The following FGD4 variants were observed in gnomAD, a reference collection of about 807,000 sequenced individuals.
FGD4 encodes FYVE, RhoGEF and PH domain containing 4, also known as FYVE, RhoGEF and PH domain-containing protein 4.
A neutral mutation model predicts 102.0 loss-of-function variants in FGD4; 42 were observed. The ratio of observed to expected loss-of-function variants is 0.41; its 90% CI spans 0.32 to 0.53. The LOEUF (loss-of-function observed/expected upper bound fraction) is 0.53, where lower values mean the gene tolerates loss of function less well. FGD4 is among the 20% of genes least tolerant of loss of function. The probability of loss-of-function intolerance (pLI) is 0.21; values close to 1 mark genes in which losing one functional copy is unlikely to be tolerated. For missense variants in FGD4, 902 were observed against 1,078.2 expected (o/e 0.84, Z 2.29); for synonymous variants, 380 against 375.7 (o/e 1.01, Z -0.13).
At chr12:32,562,210 CCTTTCTGTGGCCCTGCAAGGAGAGGAGG>C (rs1944659370) in intron 1 of FGD4, among the ~76,000 whole-genome samples, 1 of 152,174 alleles carries the variant, frequency 6.6e-6, no homozygotes, top group Non-Finnish European at 1.5e-5. Context: ...TGCGTTCTGC[CCTTTCTGTGGCCCTGCAAGGAGAGGAGG>C]CCTGTGTATA....
rs111677682 is a variant in FGD4 at position 32,629,493 on chromosome 12, G to A, written c.2172+3714G>A. Among the ~76,000 whole-genome samples the A allele has an allele frequency of 2.4e-3, 372 of 152,252 alleles. 4 individuals are homozygous for A. Among genetic ancestry groups the A allele is most frequent in the African/African-American group, 8.1e-3 (338 of 41,550 alleles). On this transcript the variant is annotated intron_variant, in intron 14 of 16. Transcript: ENST00000534526. ...TCTATTTTCTCCATTATATAATTCA[G>A]AAATGGACTCATAGAAAAGTTATGA... is the stretch of plus-strand genomic sequence containing the variant.
At chr12:32,423,553 C>T (rs1196137587) in intron 1 of FGD4, among the ~76,000 whole-genome samples, 1 of 143,236 alleles carries the variant, frequency 7.0e-6, no homozygotes, top group Non-Finnish European at 1.5e-5. Flanking sequence ...GATCACGCCA[C>T]TGCATTCCAG....
At chr12:32,599,018 A>G (rs1426408312) in intron 5 of FGD4, among the ~76,000 whole-genome samples, 1 of 152,180 alleles carries the variant, frequency 6.6e-6, no homozygotes, top group Non-Finnish European at 1.5e-5. Flanking sequence ...TAGGGCCAGA[A>G]GGGATTTTGA....
At position 32,644,525 on chromosome 12, in the gene FGD4, G is replaced by A. The variant is rs1357846771; in HGVS notation, c.*3992G>A. 6.6e-6 allele frequency: 1 copy of A among 152,102 alleles called. No homozygotes were observed. The highest frequency in any genetic ancestry group is 6.6e-5 in the Admixed American group (1 of 15,260). The allele number at this position is 152,102 out of a possible 1,614,324, so 9.4% of individuals were successfully genotyped here. A position where few individuals can be genotyped will look rare whatever the true frequency, so the allele number is the denominator to read the frequency against. On this transcript the variant is annotated 3_prime_UTR_variant, in exon 17 of 17. Transcript: ENST00000534526. ...ATAAATTATTTACATGGATCTTTATGTATAATTCATCCTTATATATACCCC... is the reference window on the plus strand; with the variant it reads ...ATAAATTATTTACATGGATCTTTATATATAATTCATCCTTATATATACCCC...
chr12:32,435,101 G>A (rs541420723), intron 1 of FGD4, among the ~76,000 whole-genome samples: 18 of 152,106 alleles, frequency 1.2e-4, no homozygotes, highest in African/African-American at 3.9e-4. Context: ...GCGCCACCAC[G>A]CCTGGCTAAT....
intron 5 of FGD4, among the ~76,000 whole-genome samples, chr12:32,599,691 G>T (rs1227677251): frequency 6.7e-6 from 1 of 149,848 alleles, no homozygotes; most frequent in Non-Finnish European, 1.5e-5. Flanking sequence ...GGAATTACAG[G>T]CATGCACCAC....
chr12:32,444,086 G>A (rs1305979190), intron 1 of FGD4, among the ~76,000 whole-genome samples: 3 of 145,664 alleles, frequency 2.1e-5, no homozygotes, highest in Non-Finnish European at 3.0e-5. Context: ...GTACAGTGGT[G>A]CCATCATGGC....
In FGD4 at chr12:32,540,310, A is replaced by G. The variant is rs546087961; in HGVS notation, c.167-23827A>G. 3.9e-5 allele frequency among the ~76,000 whole-genome samples: 6 copies of G among 152,336 alleles called. No individual in the cohort carries two copies. The South Asian group carries it at 1.2e-3, about 32-fold the overall frequency. The stretch of plus-strand genomic sequence containing the variant: ...AAAAGGAGGAACAACTGTTTCATTG[A>G]TTCAAGGAAATTTCCTCAAAAAAGG... On this transcript the variant is annotated intron_variant, in intron 1 of 16. Coordinates refer to ENST00000534526, the MANE Select transcript of FGD4 (RefSeq NM_001370298.3).
chr12:32,473,640 A>C (rs1312691773), intron 1 of FGD4, among the ~76,000 whole-genome samples: 2 of 152,144 alleles, frequency 1.3e-5, no homozygotes, highest in Non-Finnish European at 2.9e-5. Context: ...GAACCCACCA[A>C]TTCCGGACAC....
intron 1 of FGD4, among the ~76,000 whole-genome samples, chr12:32,407,121 ATTTTT>A (rs35497027): frequency 1.1e-5 from 1 of 90,926 alleles, no homozygotes; most frequent in Non-Finnish European, 2.1e-5. Context: ...AAGAAGCTGT[ATTTTT>A]TTTTTTTTTT....
At chr12:32,486,227 G>A in intron 1 of FGD4, 1 of 1,235,578 alleles carries the variant, frequency 8.1e-7, no homozygotes, top group Non-Finnish European at 1.1e-6. Flanking sequence ...GTATACAATA[G>A]ATGAGGTCAC....
At chr12:32,524,395 C>CAAAAA (rs959203100) in intron 1 of FGD4, among the ~76,000 whole-genome samples, 60 of 69,288 alleles carry the variant, frequency 8.7e-4, no homozygotes, top group African/African-American at 3.1e-3. Context: ...GACTCTGTCT[C>CAAAAA]AAAAAAAAAA....
At chr12:32,593,349 T>C (rs187296425) in intron 4 of FGD4, among the ~76,000 whole-genome samples, 2 of 152,334 alleles carry the variant, frequency 1.3e-5, no homozygotes, top group South Asian at 2.1e-4. Flanking sequence ...CATCCCAAAA[T>C]CCCTAGTAAC....
At chr12:32,508,172 T>C (rs1938981579) in intron 1 of FGD4, among the ~76,000 whole-genome samples, 1 of 152,192 alleles carries the variant, frequency 6.6e-6, no homozygotes, top group Non-Finnish European at 1.5e-5. Flanking sequence ...GATCTGAGGA[T>C]GCTAAAGCAA....
chr12:32,446,962 A>G (rs995739833), intron 1 of FGD4, among the ~76,000 whole-genome samples: 1 of 152,212 alleles, frequency 6.6e-6, no homozygotes, highest in African/African-American at 2.4e-5. Context: ...TGAGCAGCAG[A>G]CAGTTCAGTG....
At chr12:32,509,237 T>TTC (rs1481955589) in intron 1 of FGD4, among the ~76,000 whole-genome samples, 3 of 136,972 alleles carry the variant, frequency 2.2e-5, no homozygotes, top group Non-Finnish European at 4.6e-5. Context: ...TTAACTTTTA[T>TTC]TCTCTTTTTT....
intron 1 of FGD4, among the ~76,000 whole-genome samples, chr12:32,480,827 A>G (rs998667872): frequency 7.0e-6 from 1 of 143,062 alleles, no homozygotes; most frequent in Admixed American, 7.0e-5. Context: ...ATCTTGAGAC[A>G]GGATCTTGCT....
rs535179464 is a variant in FGD4, at chr12:32,462,394, C to T, written c.166+62435C>T. ...CAGACTGGCCTCAAACTCCTGACCT[C>T]AGGCAATCTGCCCACCTCAGCCTCC... On this transcript the variant is annotated intron_variant, in intron 1 of 16. Coordinates refer to ENST00000534526, the MANE Select transcript of FGD4 (RefSeq NM_001370298.3). 5.3e-5 allele frequency among the ~76,000 whole-genome samples: 8 copies of T among 152,264 alleles called. No homozygotes were observed. In the East Asian group the frequency reaches 1.6e-3, roughly 30 times the overall value.
chr12:32,603,651 C>G (rs1226603701), intron 7 of FGD4, among the ~76,000 whole-genome samples: 2 of 152,010 alleles, frequency 1.3e-5, no homozygotes, highest in African/African-American at 4.8e-5. Context: ...TCCCAAAATG[C>G]TGGGATTATA....
Sources: allele counts gnomAD v4.1 joint callset (sites outside exome capture counted in the v4.1 genomes callset), GRCh38; gene constraint gnomAD v4.1.1; transcripts MANE v1.5; gene names NCBI Gene and HGNC (gene_info 2026-07-23, HGNC 2026-07-21).